Variants in SRGAP2C observed in about 807,000 individuals in gnomAD.
The protein encoded by SRGAP2C is SLIT-ROBO Rho GTPase-activating protein 2C.
SRGAP2C carries 15 observed loss-of-function variants against 25.1 expected under a neutral mutation model. The observed-to-expected ratio is 0.60, with a 90% CI of 0.40 to 0.92. The LOEUF (loss-of-function observed/expected upper bound fraction) is 0.92, where lower values mean the gene tolerates loss of function less well. Ranked by LOEUF, SRGAP2C falls within the 40% of genes least tolerant of loss-of-function variation. The pLI, the probability that SRGAP2C is intolerant of heterozygous loss-of-function variation, is 0.00. For missense variants in SRGAP2C, 144 were observed against 264.4 expected (o/e 0.54, Z 3.16); for synonymous variants, 44 against 96.6 (o/e 0.46, Z 3.19).
intron 3 of SRGAP2C, among the ~76,000 whole-genome samples, chr1:121,319,684 A>G (rs1163929494): frequency 3.4e-5 from 5 of 146,726 alleles, no homozygotes; most frequent in African/African-American, 1.3e-4. Context: ...TCTTCTGCAG[A>G]TGTACAGGCA....
At chr1:121,293,311 CTA>C (rs1172977756) in intron 3 of SRGAP2C, among the ~76,000 whole-genome samples, 1 of 132,062 alleles carries the variant, frequency 7.6e-6, no homozygotes, top group East Asian at 2.4e-4. Context: ...TTAAAGAGGT[CTA>C]TGAATGCCAG....
intron 2 of SRGAP2C, among the ~76,000 whole-genome samples, chr1:121,230,630 GC>G (rs1336470004): frequency 1.3e-5 from 2 of 149,632 alleles, no homozygotes; most frequent in African/African-American, 2.5e-5. Flanking sequence ...CATAGTGTCT[GC>G]ATGGCTCACT....
intron 2 of SRGAP2C, among the ~76,000 whole-genome samples, chr1:121,249,578 A>ATTTTT (rs1165185674): frequency 3.4e-3 from 79 of 23,124 alleles, no homozygotes; most frequent in South Asian, 6.6e-3. Context: ...ATATATATAT[A>ATTTTT]TATTTTTTTT....
At chr1:121,353,376 G>T (rs1553346715) in intron 4 of SRGAP2C, among the ~76,000 whole-genome samples, 2 of 145,740 alleles carry the variant, frequency 1.4e-5, no homozygotes, top group African/African-American at 2.6e-5. Flanking sequence ...GTAAAGAGAG[G>T]GTCTATCTGT....
At chr1:121,222,561 C>T (rs1328966912) in intron 2 of SRGAP2C, among the ~76,000 whole-genome samples, 7 of 152,112 alleles carry the variant, frequency 4.6e-5, no homozygotes, top group African/African-American at 7.2e-5. Flanking sequence ...CCCGGAAGGT[C>T]GAGGCTACGG....
chr1:121,390,793 C>A lies in SRGAP2C; in HGVS notation c.*2938C>A, dbSNP rs1335585261. ...TGGCGGCTCATGCCTGTAATCCCAG[C>A]GCTGTGGGAGCCTGAGGCGGGTGGG... On this transcript the variant is annotated 3_prime_UTR_variant, in exon 10 of 10. Transcript: ENST00000367123. 6.6e-6 allele frequency: 1 copy of A among 151,764 alleles called. No homozygotes were observed. Among genetic ancestry groups the A allele is most frequent in the Non-Finnish European group, 1.5e-5 (1 of 67,952 alleles). 9.4% of individuals were successfully genotyped at this position (151,764 alleles called of 1,614,324 possible).
At chr1:121,375,960 G>A (rs1345092429) in intron 7 of SRGAP2C, among the ~76,000 whole-genome samples, 13 of 150,958 alleles carry the variant, frequency 8.6e-5, no homozygotes, top group African/African-American at 1.7e-4. Flanking sequence ...TGAGGAAAGC[G>A]GTTAATAGGC....
chr1:121,359,954 A>G (rs188814872), intron 4 of SRGAP2C, among the ~76,000 whole-genome samples: 10 of 152,236 alleles, frequency 6.6e-5, no homozygotes, highest in Admixed American at 5.9e-4. Context: ...AAATGCACCA[A>G]TCAGCGCTCT....
chr1:121,377,935 A>G (rs587761880), intron 7 of SRGAP2C, among the ~76,000 whole-genome samples: 1 of 152,020 alleles, frequency 6.6e-6, no homozygotes, highest in Non-Finnish European at 1.5e-5. Flanking sequence ...ACACTTGTAC[A>G]TCCTATGGGG....
At position 121,314,339 on chromosome 1, in the gene SRGAP2C, C is replaced by A. The variant is rs1658043739; in HGVS notation, c.261-10139C>A. On this transcript the variant is annotated intron_variant, in intron 3 of 9. Transcript: ENST00000367123. ...GTTATACATTCTTCTAAACTTTTTT[C>A]AAAGTTTTCAACTTCTTTGCCTTTG... Among the ~76,000 whole-genome samples, 21 of 151,128 alleles carry A rather than the reference C, an allele frequency of 1.4e-4. No individual in the cohort carries two copies. The South Asian group carries it at 4.2e-3, about 30-fold the overall frequency.
chr1:121,315,080 G>A (rs1265418664), intron 3 of SRGAP2C: 161 of 769,708 alleles, frequency 2.1e-4, no homozygotes, highest in Admixed American at 2.8e-4. Flanking sequence ...GTGAGGAACT[G>A]GCGGGGTGAG....
chr1:121,312,640 G>T (rs1486591922), intron 3 of SRGAP2C, among the ~76,000 whole-genome samples: 3 of 119,240 alleles, frequency 2.5e-5, no homozygotes, highest in East Asian at 5.8e-4. Flanking sequence ...TTTCTCGTTG[G>T]TTTCAAAGAA....
rs1553349342 is a variant in SRGAP2C at position 121,365,512 on chromosome 1, T to C, written c.486+157T>C. On this transcript the variant is annotated intron_variant, in intron 5 of 9. Coordinates refer to ENST00000367123, the MANE Select transcript of SRGAP2C (RefSeq NM_001329984.2). ...ACCCCACCCATCTCTTTTTTCACAC[T>C]CGTCTTTTCAAAACGGAATGAGTCA... is the stretch of plus-strand genomic sequence containing the variant. 4.6e-5 allele frequency among the ~76,000 whole-genome samples: 4 copies of C among 86,040 alleles called. 1 individual carries two copies. The highest frequency in any genetic ancestry group is 2.0e-4 in the African/African-American group (4 of 20,300). The allele number at this position is 86,040 out of a possible 152,430, so 56.4% of individuals were successfully genotyped here.
At chr1:121,285,841 G>T (rs1448463661) in intron 3 of SRGAP2C, among the ~76,000 whole-genome samples, 1 of 150,984 alleles carries the variant, frequency 6.6e-6, no homozygotes, top group Non-Finnish European at 1.5e-5. Context: ...TGGTGTAAAA[G>T]CTTCCCAGGT....
At chr1:121,331,997 C>CA (rs1319466353) in intron 4 of SRGAP2C, among the ~76,000 whole-genome samples, 2 of 140,880 alleles carry the variant, frequency 1.4e-5, no homozygotes, top group Non-Finnish European at 3.1e-5. Context: ...ACATTTTAAA[C>CA]AATGCTTTAT....
intron 4 of SRGAP2C, among the ~76,000 whole-genome samples, chr1:121,347,108 G>A (rs1658764857): frequency 2.3e-5 from 3 of 131,650 alleles, no homozygotes; most frequent in African/African-American, 8.7e-5. Flanking sequence ...CAGGGCTCTA[G>A]ATGGTTTATT....
At chr1:121,263,587 A>AG (rs1656686627) in intron 2 of SRGAP2C, among the ~76,000 whole-genome samples, 1 of 151,676 alleles carries the variant, frequency 6.6e-6, no homozygotes, top group African/African-American at 2.4e-5. Context: ...CAAGTCATGT[A>AG]GTGTGTTCAG....
intron 2 of SRGAP2C, among the ~76,000 whole-genome samples, chr1:121,222,783 A>T (rs1337438344): frequency 6.6e-6 from 1 of 152,138 alleles, no homozygotes; most frequent in Non-Finnish European, 1.5e-5. Context: ...TCATTTATGC[A>T]GACAGACTTC....
intron 2 of SRGAP2C, among the ~76,000 whole-genome samples, chr1:121,222,243 C>A (rs1553325790): frequency 6.6e-6 from 1 of 152,148 alleles, no homozygotes. Context: ...CCAAAGTCTG[C>A]CTCTAAAGCC....
Sources: gnomAD v4.1 joint callset for allele counts (sites outside exome capture counted in the v4.1 genomes callset) on GRCh38, gnomAD v4.1.1 for gene constraint, MANE v1.5 for transcripts, NCBI Gene and HGNC (gene_info 2026-07-23, HGNC 2026-07-21) for gene names.